TDRD5: variants seen among roughly 807,000 people sequenced by gnomAD.
TDRD5 encodes the protein tudor domain containing 5.
Under a neutral mutation model 120.6 loss-of-function variants are expected in TDRD5, and 41 were observed. The ratio of observed to expected loss-of-function variants is 0.34; its 90% CI spans 0.26 to 0.44. The LOEUF is 0.44. Among genes scored for constraint, TDRD5 ranks in the 20% least tolerant of loss-of-function variants. The pLI, the probability that TDRD5 is intolerant of heterozygous loss-of-function variation, is 1.00. For synonymous variants in TDRD5, 430 were observed against 433.7 expected (o/e 0.99, Z 0.11); for missense variants, 1,006 against 1,221.2 (o/e 0.82, Z 2.63).
intron 17 of TDRD5, among the ~76,000 whole-genome samples, chr1:179,676,660 A>G (rs1023290075): frequency 6.6e-6 from 1 of 152,196 alleles, no homozygotes; most frequent in Non-Finnish European, 1.5e-5. Context: ...TTGTTTAAGG[A>G]GGCTAGAAAT....
At chr1:179,622,600 C>A (rs1676899395) in intron 6 of TDRD5, among the ~76,000 whole-genome samples, 1 of 152,016 alleles carries the variant, frequency 6.6e-6, no homozygotes, top group Non-Finnish European at 1.5e-5. Context: ...CTATAAAAAC[C>A]AAGTTATTTT....
At chr1:179,601,962 C>A (rs545735186) in intron 4 of TDRD5, among the ~76,000 whole-genome samples, 1 of 152,184 alleles carries the variant, frequency 6.6e-6, no homozygotes, top group Non-Finnish European at 1.5e-5. Context: ...CACGCCATCA[C>A]GCCCAGGTAA....
At chr1:179,639,321 G>C (rs1677918678) in intron 9 of TDRD5, among the ~76,000 whole-genome samples, 1 of 152,172 alleles carries the variant, frequency 6.6e-6, no homozygotes, top group Admixed American at 6.5e-5. Flanking sequence ...TGGTTCCTAA[G>C]CTTATATTAT....
At chr1:179,662,331 C>T (rs749755295) in intron 15 of TDRD5, 45 bp downstream of exon 15, 18 of 1,564,808 alleles carry the variant, frequency 1.2e-5, no homozygotes, top group East Asian at 4.8e-5. Context: ...CCGGGCACTG[C>T]GGCTCAAGCC....
intron 17 of TDRD5, among the ~76,000 whole-genome samples, chr1:179,685,886 T>C (rs1680682310): frequency 6.6e-6 from 1 of 152,224 alleles, no homozygotes; most frequent in Non-Finnish European, 1.5e-5. Flanking sequence ...TTTTGCACAT[T>C]GATTTTGTAT....
intron 17 of TDRD5, among the ~76,000 whole-genome samples, chr1:179,671,152 C>G (rs1558421533): frequency 1.3e-5 from 2 of 152,152 alleles, no homozygotes; most frequent in Non-Finnish European, 2.9e-5. Context: ...AGTCAATAGG[C>G]TGTATTTGTG....
intron 9 of TDRD5, among the ~76,000 whole-genome samples, chr1:179,636,520 A>G (rs953432360): frequency 2.0e-5 from 3 of 152,260 alleles, no homozygotes; most frequent in Non-Finnish European, 2.9e-5. Context: ...CAAGATGGCA[A>G]TAGCAGAATA....
intron 17 of TDRD5, among the ~76,000 whole-genome samples, chr1:179,673,312 G>A (rs116089889): frequency 0.018 from 2,739 of 152,132 alleles, 63 homozygotes; most frequent in African/African-American, 0.061. Context: ...AGTCTTTCAC[G>A]TCTTGGTTAG....
chr1:179,644,944 A>G (rs1678258731), intron 11 of TDRD5, among the ~76,000 whole-genome samples: 1 of 151,864 alleles, frequency 6.6e-6, no homozygotes, highest in Admixed American at 6.6e-5. Context: ...TCTAACCTTT[A>G]GGTGGATCTC....
At position 179,591,886 on chromosome 1, in the gene TDRD5, C is replaced by G. The variant is rs144210511; in HGVS notation, c.-254C>G. 1.3e-5 allele frequency: 2 copies of G among 152,346 alleles called. No homozygotes were observed. The highest frequency in any genetic ancestry group is 2.4e-5 in the African/African-American group (1 of 41,472). The allele number at this position is 152,346 out of a possible 1,614,324, so 9.4% of individuals were successfully genotyped here. ...TTCCTGCGCCGATTCGGAGAGGGCC[C>G]CCTAATCTCTACTCGGCCCGCACCA... is the stretch of plus-strand genomic sequence containing the variant. On this transcript the variant is annotated 5_prime_UTR_variant, in exon 1 of 18. Transcript: ENST00000444136.
chr1:179,677,851 C>A (rs1463668438), intron 17 of TDRD5, among the ~76,000 whole-genome samples: 2 of 152,048 alleles, frequency 1.3e-5, no homozygotes, highest in African/African-American at 4.8e-5. Flanking sequence ...GGAGGTGGTG[C>A]TTTCAAAAGT....
At chr1:179,610,565 A>T (rs913207613) in intron 4 of TDRD5, among the ~76,000 whole-genome samples, 13 of 152,136 alleles carry the variant, frequency 8.5e-5, no homozygotes, top group African/African-American at 3.1e-4. Context: ...CTTTCTAATT[A>T]TATAACTCTT....
intron 13 of TDRD5, among the ~76,000 whole-genome samples, chr1:179,652,860 C>A (rs1490160466): frequency 6.6e-6 from 1 of 152,078 alleles, no homozygotes; most frequent in Non-Finnish European, 1.5e-5. Flanking sequence ...AAATGCAGTC[C>A]AAACTTTGTT....
In TDRD5 at chr1:179,688,881, G is replaced by A. The variant is rs192073032; in HGVS notation, c.2861-1815G>A. 1.4e-3 allele frequency among the ~76,000 whole-genome samples: 217 copies of A among 152,220 alleles called. 3 individuals are homozygous for A. Among genetic ancestry groups the A allele is most frequent in the Non-Finnish European group, 2.2e-4 (15 of 68,016 alleles). ...ATGCATCACGCAGTTCTCATACCAT[G>A]GTTTTCAGCTCCATCAAGTCTTTAA... On this transcript the variant is annotated intron_variant, in intron 17 of 17. Transcript: ENST00000444136.
intron 7 of TDRD5, among the ~76,000 whole-genome samples, chr1:179,632,491 TGAGTA>T (rs1008520754): frequency 4.6e-5 from 7 of 151,832 alleles, no homozygotes; most frequent in Non-Finnish European, 8.8e-5. Context: ...ACAGCACAGA[TGAGTA>T]GAGAGAGAAC....
intron 11 of TDRD5, 132 bp downstream of exon 11, chr1:179,640,577 T>G: frequency 1.1e-6 from 1 of 924,134 alleles, no homozygotes; most frequent in Non-Finnish European, 1.7e-6. Context: ...GTATAGAGTA[T>G]GGAAAATAGA....
chr1:179,675,270 A>ATTTTTTTTTTTTTTTTTTTTTT (rs879312785), intron 17 of TDRD5, among the ~76,000 whole-genome samples: 2 of 59,252 alleles, frequency 3.4e-5, no homozygotes, highest in African/African-American at 5.6e-5. Flanking sequence ...TATTATTATT[A>ATTTTTTTTTTTTTTTTTTTTTT]TTATTTTTTT....
intron 17 of TDRD5, among the ~76,000 whole-genome samples, chr1:179,676,041 G>C (rs1484108548): frequency 1.3e-5 from 2 of 152,112 alleles, no homozygotes; most frequent in South Asian, 4.1e-4. Context: ...CCAGTGTTAG[G>C]TGCATGTATA....
intron 4 of TDRD5, among the ~76,000 whole-genome samples, chr1:179,604,083 A>G (rs537420718): frequency 2.0e-5 from 3 of 152,118 alleles, no homozygotes; most frequent in South Asian, 2.1e-4. Context: ...AGGGTATCCA[A>G]TTCTTCCTGA....
Sources: gnomAD v4.1 joint callset for allele counts (sites outside exome capture counted in the v4.1 genomes callset) on GRCh38, gnomAD v4.1.1 for gene constraint, MANE v1.5 for transcripts, NCBI Gene and HGNC (gene_info 2026-07-23, HGNC 2026-07-21) for gene names.